EPHB2: variants seen among roughly 807,000 people sequenced by gnomAD.
The protein encoded by EPHB2 is EPH receptor B2, also known as ephrin type-B receptor 2.
A neutral mutation model predicts 96.4 loss-of-function variants in EPHB2; 18 were observed. That is an observed-to-expected ratio of 0.19 (90% CI 0.13 to 0.28). EPHB2 has a LOEUF of 0.28. Ranked by LOEUF, EPHB2 falls within the 10% of genes least tolerant of loss-of-function variation. EPHB2 has a pLI of 1.00. For synonymous variants in EPHB2, 506 were observed against 534.1 expected, an observed-to-expected ratio of 0.95 and a Z score of 0.72; for missense variants, 989 against 1,355.4, an observed-to-expected ratio of 0.73 and a Z score of 4.25.
chr1:22,853,802 C>T (rs560351068), intron 3 of EPHB2, among the ~76,000 whole-genome samples: 1 of 152,298 alleles, frequency 6.6e-6, no homozygotes, highest in East Asian at 1.9e-4. Context: ...TGAAGCAGGC[C>T]GGACTCTCCC....
intron 1 of EPHB2, among the ~76,000 whole-genome samples, chr1:22,726,408 CTTTTTCTTTT>C (rs72142511): frequency 0.33 from 50,155 of 150,136 alleles, 9,629 homozygotes; most frequent in South Asian, 0.6. Flanking sequence ...ATAATAGTTT[CTTTTTCTTTT>C]TTTTTCTTTT....
chr1:22,878,408 TGAA>T (rs1437136435), intron 5 of EPHB2, among the ~76,000 whole-genome samples: 1 of 152,194 alleles, frequency 6.6e-6, no homozygotes, highest in Non-Finnish European at 1.5e-5. Flanking sequence ...CTCATTTAGT[TGAA>T]AAACAGTATG....
At position 22,884,563 on chromosome 1, in the gene EPHB2, T is replaced by G. The variant is rs560651863; in HGVS notation, c.1428+2080T>G. The stretch of plus-strand genomic sequence containing the variant: ...TGAACCCAGGAGACGGAGGTTGCAG[T>G]GAGCCAAGATCGCACCACTGCACTC... On this transcript the variant is annotated intron_variant, in intron 6 of 15. Coordinates refer to ENST00000374630, the MANE Select transcript of EPHB2 (RefSeq NM_017449.5). Among the ~76,000 whole-genome samples the G allele has an allele frequency of 2.1e-4, 29 of 138,404 alleles. No homozygotes were observed. In the South Asian group the frequency reaches 6.4e-3, roughly 30 times the overall value. The allele number at this position is 138,404 out of a possible 152,430, so 90.8% of individuals were successfully genotyped here.
At chr1:22,821,067 C>T (rs1570338945) in intron 3 of EPHB2, among the ~76,000 whole-genome samples, 1 of 152,202 alleles carries the variant, frequency 6.6e-6, no homozygotes, top group East Asian at 1.9e-4. Flanking sequence ...TCGTGAAGGA[C>T]TCAGGTTCCT....
At chr1:22,773,702 G>A (rs1181214534) in intron 1 of EPHB2, among the ~76,000 whole-genome samples, 1 of 152,144 alleles carries the variant, frequency 6.6e-6, no homozygotes, top group Non-Finnish European at 1.5e-5. Flanking sequence ...CTGCTTATGG[G>A]AGAAGACCCA....
intron 3 of EPHB2, among the ~76,000 whole-genome samples, chr1:22,789,940 C>T (rs1644667729): frequency 6.6e-6 from 1 of 152,158 alleles, no homozygotes; most frequent in African/African-American, 2.4e-5. Context: ...AGGGCTTGGT[C>T]TGAAGTGGCT....
intron 1 of EPHB2, among the ~76,000 whole-genome samples, chr1:22,737,491 G>A (rs951978239): frequency 6.6e-6 from 1 of 152,166 alleles, no homozygotes; most frequent in African/African-American, 2.4e-5. Context: ...CCAGATCTTT[G>A]TTCAGGCCCC....
chr1:22,782,382 T>C (rs1336286646), intron 2 of EPHB2, among the ~76,000 whole-genome samples: 1 of 152,100 alleles, frequency 6.6e-6, no homozygotes, highest in African/African-American at 2.4e-5. Flanking sequence ...GTCTCTGGAC[T>C]CTATAACCCA....
chr1:22,830,095 T>C (rs1645282264), intron 3 of EPHB2, among the ~76,000 whole-genome samples: 1 of 152,106 alleles, frequency 6.6e-6, no homozygotes, highest in African/African-American at 2.4e-5. Flanking sequence ...TGCTTTTCCT[T>C]CCTTTAGAAA....
At position 22,906,569 on chromosome 1, in the gene EPHB2, G is replaced by C. The variant is rs1346269338; in HGVS notation, c.1889-141G>C. On this transcript the variant is annotated intron_variant, in intron 10 of 15. Coordinates refer to ENST00000374630, the MANE Select transcript of EPHB2 (RefSeq NM_017449.5). The surrounding 1 kb of genome is among the most constrained non-coding windows in gnomAD (Gnocchi z 4.8). Reference sequence around the variant, plus strand: ...TCTGGACCCCTGACATTCTTGAAGGGGTTCTGTGTCTGCAAGGATGAGTGG... The same window carrying C: ...TCTGGACCCCTGACATTCTTGAAGGCGTTCTGTGTCTGCAAGGATGAGTGG... 1.5e-6 allele frequency: 2 copies of C among 1,315,344 alleles called. No homozygotes were observed. Among genetic ancestry groups the C allele is most frequent in the African/African-American group, 1.5e-5 (1 of 68,736 alleles). 81.5% of individuals were successfully genotyped at this position (1,315,344 alleles called of 1,614,324 possible).
intron 1 of EPHB2, among the ~76,000 whole-genome samples, chr1:22,759,492 A>T (rs138094220): frequency 9.9e-5 from 15 of 152,166 alleles, no homozygotes; most frequent in African/African-American, 2.9e-4. Flanking sequence ...TTCCTCTTGG[A>T]GTCGGCTGAG....
intron 1 of EPHB2, among the ~76,000 whole-genome samples, chr1:22,771,069 G>C (rs979262921): frequency 2.6e-5 from 4 of 152,174 alleles, no homozygotes; most frequent in African/African-American, 7.2e-5. Flanking sequence ...CAGACACCCA[G>C]AATGATGATG....
At chr1:22,752,553 A>T (rs1644080455) in intron 1 of EPHB2, among the ~76,000 whole-genome samples, 1 of 150,552 alleles carries the variant, frequency 6.6e-6, no homozygotes, top group Non-Finnish European at 1.5e-5. Context: ...ATAAAATAAT[A>T]AAATAAAATA....
intron 3 of EPHB2, among the ~76,000 whole-genome samples, chr1:22,859,798 A>T (rs947978589): frequency 6.6e-5 from 10 of 152,202 alleles, no homozygotes; most frequent in African/African-American, 2.4e-4. Context: ...ATCTCAAAAA[A>T]GAAAAACAAA....
chr1:22,836,342 G>A (rs888217930), intron 3 of EPHB2, among the ~76,000 whole-genome samples: 1 of 152,232 alleles, frequency 6.6e-6, no homozygotes, highest in Admixed American at 6.5e-5. Context: ...GGAGTGCGCC[G>A]AGGCCCTTTC....
intron 5 of EPHB2, among the ~76,000 whole-genome samples, chr1:22,868,027 A>G (rs1306280157): frequency 6.6e-6 from 1 of 152,244 alleles, no homozygotes; most frequent in Non-Finnish European, 1.5e-5. Context: ...TCTAACTGGT[A>G]GAAGCCAGAA....
intron 3 of EPHB2, among the ~76,000 whole-genome samples, chr1:22,815,885 C>T (rs1645068914): frequency 6.6e-6 from 1 of 152,148 alleles, no homozygotes; most frequent in African/African-American, 2.4e-5. Flanking sequence ...AGTTTTCTCT[C>T]CAAGGGCTCA....
At chr1:22,912,333 T>A (rs970177498) in intron 14 of EPHB2, 111 bp from the exon 15 acceptor site, 11 of 1,489,510 alleles carry the variant, frequency 7.4e-6, no homozygotes, top group Admixed American at 1.7e-5. Flanking sequence ...TGTGTTCACA[T>A]AAATGGATGC....
rs914778066 is a variant in EPHB2 at position 22,906,494 on chromosome 1, G to C, written c.1889-216G>C. 6.6e-6 allele frequency among the ~76,000 whole-genome samples: 1 copy of C among 152,114 alleles called. No individual in the cohort carries two copies. The highest frequency in any genetic ancestry group is 1.5e-5 in the Non-Finnish European group (1 of 68,012). On this transcript the variant is annotated intron_variant, in intron 10 of 15. Transcript: ENST00000374630. The surrounding 1 kb of genome is among the most constrained non-coding windows in gnomAD (Gnocchi z 4.8). ...CCATGCCCAGCCAGGGATAACCAGA[G>C]AACAACCATGAGGAATTTACTGTCC...
Sources: allele counts gnomAD v4.1 joint callset (sites outside exome capture counted in the v4.1 genomes callset), GRCh38; gene constraint gnomAD v4.1.1; non-coding constraint Gnocchi (gnomAD v3.1); transcripts MANE v1.5; gene names NCBI Gene and HGNC (gene_info 2026-07-23, HGNC 2026-07-21).